The following ZNF487 variants were observed in gnomAD, a reference collection of about 807,000 sequenced individuals.
The protein encoded by ZNF487 is zinc finger protein 487.
ZNF487 carries 4 observed loss-of-function variants against 3.0 expected under a neutral mutation model. That is an observed-to-expected ratio of 1.35 (90% CI 0.66 to 3.08). The LOEUF (loss-of-function observed/expected upper bound fraction) is 3.08, where lower values mean the gene tolerates loss of function less well. Ranked by LOEUF, ZNF487 falls within the 30% of genes most tolerant of loss-of-function variation. The probability of loss-of-function intolerance (pLI) is 0.01; values close to 1 mark genes in which losing one functional copy is unlikely to be tolerated. For missense variants in ZNF487, 146 were observed against 98.7 expected (o/e 1.48, Z -2.03); for synonymous variants, 55 against 34.6 (o/e 1.59, Z -2.06).
At chr10:43,519,492 G>T in the ZNF487 span, among the ~76,000 whole-genome samples, 1 of 149,044 alleles carries the variant, frequency 6.7e-6, no homozygotes. Context: ...TTTTGAGATG[G>T]AGTCTTGCTC....
At chr10:43,523,339 C>G in the ZNF487 span, 1 of 152,200 alleles carries the variant, frequency 6.6e-6, no homozygotes, top group Admixed American at 6.5e-5. Flanking sequence ...TGATGGAAGA[C>G]AGAAATAGTG....
intron 1 of ZNF487, among the ~76,000 whole-genome samples, chr10:43,474,232 T>A (rs1355715536): frequency 1.3e-5 from 2 of 150,128 alleles, no homozygotes; most frequent in Non-Finnish European, 3.0e-5. Flanking sequence ...GAGGCTGAGG[T>A]GGGCCGAGGT....
chr10:43,496,598 C>G, the ZNF487 span, among the ~76,000 whole-genome samples: 2 of 152,136 alleles, frequency 1.3e-5, no homozygotes, highest in African/African-American at 2.4e-5. Context: ...GGTGTCTGCT[C>G]TTTGCTATTT....
the ZNF487 span, among the ~76,000 whole-genome samples, chr10:43,489,901 GA>G: frequency 6.6e-6 from 1 of 152,092 alleles, no homozygotes; most frequent in East Asian, 1.9e-4. Context: ...ATAAGTTATA[GA>G]CTTAAACAGT....
In ZNF487 at chr10:43,445,581, C is replaced by T. The variant is rs145490619; in HGVS notation, c.-94+8319C>T. On this transcript the variant is annotated intron_variant, in intron 1 of 3. Transcript: ENST00000437590. ...TTCTGGGGCAAATTATTCCCCACTGCTAAGGCTAGATCTTCCTGAGTACTT... is the reference window on the plus strand; with the variant it reads ...TTCTGGGGCAAATTATTCCCCACTGTTAAGGCTAGATCTTCCTGAGTACTT... 2.3e-4 allele frequency among the ~76,000 whole-genome samples: 35 copies of T among 150,442 alleles called. 1 individual carries two copies. Among genetic ancestry groups the T allele is most frequent in the African/African-American group, 7.8e-4 (32 of 41,026 alleles).
chr10:43,452,483 C>T (rs1840044005), intron 1 of ZNF487: 2 of 151,958 alleles, frequency 1.3e-5, no homozygotes, highest in African/African-American at 4.8e-5. Context: ...CTGCCAGTAG[C>T]TGGAACCACG....
chr10:43,498,035 G>C, the ZNF487 span, among the ~76,000 whole-genome samples: 5 of 134,154 alleles, frequency 3.7e-5, no homozygotes, highest in Non-Finnish European at 6.2e-5. Context: ...GACATCTCTT[G>C]TGTCACACAG....
In ZNF487 at chr10:43,475,667, TG is replaced by T. The variant is rs1194698560; in HGVS notation, c.-93-53del. The stretch of plus-strand genomic sequence containing the variant: ...ACAAGGTGTTAGATCTCACACATGT[TG>T]TATGCTCTCCACTTCTGATCACTGT... On this transcript the variant is annotated intron_variant, in intron 1 of 3. Transcript: ENST00000437590. 3.3e-5 allele frequency: 25 copies of T among 759,076 alleles called. No individual in the cohort carries two copies. The Admixed American group carries it at 4.6e-4, about 14-fold the overall frequency. 47.0% of individuals were successfully genotyped at this position (759,076 alleles called of 1,614,324 possible).
At chr10:43,481,108 C>T (rs2132155429) in intron 3 of ZNF487, among the ~76,000 whole-genome samples, 1 of 151,918 alleles carries the variant, frequency 6.6e-6, no homozygotes, top group East Asian at 1.9e-4. Flanking sequence ...TGCATTACAG[C>T]CTGGGCAACA....
At chr10:43,440,623 A>C (rs1839564112) in intron 1 of ZNF487, among the ~76,000 whole-genome samples, 1 of 151,432 alleles carries the variant, frequency 6.6e-6, no homozygotes, top group Admixed American at 6.6e-5. Flanking sequence ...GCGCCACTGC[A>C]CTCCAGCCTG....
intron 1 of ZNF487, among the ~76,000 whole-genome samples, chr10:43,440,292 C>T (rs867902663): frequency 1.3e-4 from 19 of 151,792 alleles, no homozygotes; most frequent in Middle Eastern, 3.4e-3. Context: ...TCAGGTAATA[C>T]GCCCGCCTCG....
At chr10:43,489,087 CA>C in the ZNF487 span, among the ~76,000 whole-genome samples, 718 of 152,280 alleles carry the variant, frequency 4.7e-3, 22 homozygotes, top group Admixed American at 0.044. Flanking sequence ...GCAACAGAGA[CA>C]GACCCTGGCT....
At chr10:43,497,883 C>T in the ZNF487 span, among the ~76,000 whole-genome samples, 3 of 149,892 alleles carry the variant, frequency 2.0e-5, no homozygotes, top group African/African-American at 7.4e-5. Flanking sequence ...AGGAGAATGG[C>T]GTGAACCCGG....
chr10:43,448,842 A>G (rs1043589391), intron 1 of ZNF487, among the ~76,000 whole-genome samples: 2 of 151,774 alleles, frequency 1.3e-5, no homozygotes, highest in African/African-American at 4.8e-5. Context: ...TAAAAATAAA[A>G]AAAATGAGCT....
At chr10:43,514,481 C>T in the ZNF487 span, among the ~76,000 whole-genome samples, 8 of 152,146 alleles carry the variant, frequency 5.3e-5, no homozygotes, top group Admixed American at 4.6e-4. Flanking sequence ...TTTGTCCCTT[C>T]GACTTAGAAA....
chr10:43,501,886 C>T, the ZNF487 span, among the ~76,000 whole-genome samples: 1 of 151,738 alleles, frequency 6.6e-6, no homozygotes, highest in East Asian at 1.9e-4. Context: ...AATTAAGATA[C>T]TTCAGAGTAT....
At chr10:43,443,430 A>G (rs1045974444) in intron 1 of ZNF487, among the ~76,000 whole-genome samples, 2 of 149,552 alleles carry the variant, frequency 1.3e-5, no homozygotes, top group South Asian at 2.1e-4. Context: ...CTGGAGTGCA[A>G]TGGAGCAATC....
At chr10:43,501,321 C>T in the ZNF487 span, among the ~76,000 whole-genome samples, 7 of 152,200 alleles carry the variant, frequency 4.6e-5, no homozygotes, top group East Asian at 5.8e-4. Flanking sequence ...AGGCCTAGTA[C>T]GTTATTGTAC....
chr10:43,472,871 A>G (rs192282255), intron 1 of ZNF487, among the ~76,000 whole-genome samples: 15 of 151,806 alleles, frequency 9.9e-5, no homozygotes, highest in Non-Finnish European at 2.1e-4. Context: ...AATTATGTCA[A>G]CCATATTTAA....
Sources: allele counts gnomAD v4.1 joint callset (sites outside exome capture counted in the v4.1 genomes callset), GRCh38; gene constraint gnomAD v4.1.1; transcripts MANE v1.5; gene names NCBI Gene and HGNC (gene_info 2026-07-23, HGNC 2026-07-21).